LPAR3: variants seen among roughly 807,000 people sequenced by gnomAD.
The protein encoded by LPAR3 is lysophosphatidic acid receptor 3.
LPAR3 carries 7 observed loss-of-function variants against 17.8 expected under a neutral mutation model. The ratio of observed to expected loss-of-function variants is 0.39; its 90% CI spans 0.22 to 0.74. LPAR3 has a LOEUF of 0.74. Ranked by LOEUF, LPAR3 falls within the 30% of genes least tolerant of loss-of-function variation. LPAR3 has a pLI of 0.40. For synonymous variants in LPAR3, 179 were observed against 179.9 expected (o/e 0.99, Z 0.04); for missense variants, 391 against 453.4 (o/e 0.86, Z 1.25).
In LPAR3 at chr1:84,813,954, C is replaced by T; in HGVS notation, c.954G>A (p.Arg318=). ...CTGTGGAGGGGATGCGAGAGGGACG[C>T]CTCTCTGGGTTCTCCTGAGAGAAGC... ...ICCFSQENPE[R]RPSRIPSTVL... The change falls in exon 3 of 3, where the codon AGG becomes AGA. Residue 318 remains arginine, a synonymous_variant. Coordinates refer to ENST00000370611, the MANE Select transcript of LPAR3 (RefSeq NM_012152.3). The T allele has an allele frequency of 6.2e-7, 1 of 1,614,172 alleles. No homozygotes were observed. The highest frequency in any genetic ancestry group is 2.2e-5 in the East Asian group (1 of 44,878).
rs945908959 is a variant in LPAR3 at position 84,865,592 on chromosome 1, A to C, written c.529T>G (p.Ser177Ala). The change falls in exon 2 of 3, where the codon TCT becomes GCT. Residue 177 changes from serine (S) to alanine (A), a missense_variant. Ser to Ala is a moderately conservative substitution (Grantham distance 99, BLOSUM62 1). Transcript: ENST00000370611. ...WNCLCNISACSSLAPIYSRSY... is the reference protein window; with the variant it reads ...WNCLCNISACASLAPIYSRSY... ...CTGCTGTAAATGGGGGCCAGGGAAGAGCAGGCAGAGATGTTGCAGAGGCAA... is the reference window on the plus strand; with the variant it reads ...CTGCTGTAAATGGGGGCCAGGGAAGCGCAGGCAGAGATGTTGCAGAGGCAA... 6.2e-5 allele frequency: 100 copies of C among 1,614,118 alleles called. No individual in the cohort carries two copies. The highest frequency in any genetic ancestry group is 8.3e-5 in the Non-Finnish European group (98 of 1,180,048).
At chr1:84,847,133 A>T (rs1312739636) in intron 2 of LPAR3, among the ~76,000 whole-genome samples, 1 of 152,166 alleles carries the variant, frequency 6.6e-6, no homozygotes, top group Non-Finnish European at 1.5e-5. Flanking sequence ...AGCTGGATTC[A>T]TCCTTTTGCT....
At chr1:84,887,272 G>A (rs562461856) in intron 1 of LPAR3, among the ~76,000 whole-genome samples, 21 of 152,132 alleles carry the variant, frequency 1.4e-4, no homozygotes, top group Non-Finnish European at 2.8e-4. Context: ...AGCAACTTGG[G>A]GGGCTGAGGC....
intron 1 of LPAR3, among the ~76,000 whole-genome samples, chr1:84,874,486 C>A (rs897270695): frequency 6.6e-6 from 1 of 152,148 alleles, no homozygotes; most frequent in African/African-American, 2.4e-5. Context: ...AGATATTGTT[C>A]CCCAGATGTT....
intron 1 of LPAR3, among the ~76,000 whole-genome samples, chr1:84,869,199 C>T (rs893212963): frequency 1.3e-5 from 2 of 152,144 alleles, no homozygotes; most frequent in African/African-American, 4.8e-5. Flanking sequence ...AGCACTAACA[C>T]CTCAATGATT....
At chr1:84,830,238 T>C (rs1400435897) in intron 2 of LPAR3, among the ~76,000 whole-genome samples, 2 of 152,160 alleles carry the variant, frequency 1.3e-5, no homozygotes, top group Admixed American at 1.3e-4. Flanking sequence ...AAGTATTGAG[T>C]ATCTGAACTC....
chr1:84,849,938 C>T (rs10873659), intron 2 of LPAR3, among the ~76,000 whole-genome samples: 75,554 of 151,870 alleles, frequency 0.5, 18,832 homozygotes, highest in Non-Finnish European at 0.5. Flanking sequence ...ATTCCAGGGC[C>T]GGCCTCTCGG....
At chr1:84,884,637 T>C (rs1536119) in intron 1 of LPAR3, among the ~76,000 whole-genome samples, 88,102 of 152,138 alleles carry the variant, frequency 0.58, 26,164 homozygotes, top group East Asian at 0.85. Flanking sequence ...TGTTAAATGA[T>C]GTTAACACCT....
chr1:84,870,563 C>T (rs1660141050), intron 1 of LPAR3, among the ~76,000 whole-genome samples: 1 of 152,188 alleles, frequency 6.6e-6, no homozygotes, highest in Non-Finnish European at 1.5e-5. Context: ...AGGTACATTA[C>T]TTAATATCTC....
At position 84,865,873 on chromosome 1, in the gene LPAR3, T is replaced by C. The variant is rs767289077; in HGVS notation, c.248A>G (p.Tyr83Cys). The C allele has an allele frequency of 9.3e-6, 15 of 1,613,846 alleles. No homozygotes were observed. In the East Asian group the frequency reaches 2.2e-4, roughly 24 times the overall value. The change falls in exon 2 of 3, where the codon TAT becomes TGT. Residue 83 changes from tyrosine to cysteine, a missense_variant. Physicochemically the swap from Tyr to Cys is radical, Grantham distance 194. Transcript: ENST00000370611. ...GCCTGTGTTAAACATCAGGAATACA[T>C]AGGCAATTCCAGCGAAGAAATCGGC... ...AAADFFAGIAYVFLMFNTGPV... is the reference protein window; with the variant it reads ...AAADFFAGIACVFLMFNTGPV...
chr1:84,881,209 G>A (rs1328438995), intron 1 of LPAR3, among the ~76,000 whole-genome samples: 1 of 152,058 alleles, frequency 6.6e-6, no homozygotes, highest in East Asian at 1.9e-4. Flanking sequence ...TGTGAGGCAT[G>A]GTAGGGGCAG....
intron 1 of LPAR3, among the ~76,000 whole-genome samples, chr1:84,867,888 T>C (rs75950867): frequency 0.031 from 4,747 of 152,314 alleles, 109 homozygotes; most frequent in Non-Finnish European, 0.052. Context: ...TATTCTATTA[T>C]ATGAATAGGC....
chr1:84,882,694 G>A (rs368116743), intron 1 of LPAR3, among the ~76,000 whole-genome samples: 3 of 152,224 alleles, frequency 2.0e-5, no homozygotes, highest in Non-Finnish European at 2.9e-5. Context: ...CATAATCAAC[G>A]GATCTTTGAC....
chr1:84,835,546 T>C (rs925359762), intron 2 of LPAR3, among the ~76,000 whole-genome samples: 10 of 152,196 alleles, frequency 6.6e-5, no homozygotes, highest in African/African-American at 1.2e-4. Flanking sequence ...TGTTTTGGCA[T>C]AACATTTGAC....
At chr1:84,864,643 A>G (rs1167347629) in intron 2 of LPAR3, among the ~76,000 whole-genome samples, 1 of 152,050 alleles carries the variant, frequency 6.6e-6, no homozygotes, top group Non-Finnish European at 1.5e-5. Flanking sequence ...TTAGCTGGGC[A>G]TGGTGGTGCG....
intron 1 of LPAR3, among the ~76,000 whole-genome samples, chr1:84,892,730 G>T (rs1446584848): frequency 2.0e-5 from 3 of 152,238 alleles, no homozygotes; most frequent in Non-Finnish European, 4.4e-5. Flanking sequence ...TCTGCGCCCA[G>T]CCCGCCAGCC....
At chr1:84,887,132 A>G (rs1436199273) in intron 1 of LPAR3, among the ~76,000 whole-genome samples, 1 of 152,100 alleles carries the variant, frequency 6.6e-6, no homozygotes, top group East Asian at 1.9e-4. Context: ...TGGGAGGCCA[A>G]GGCAGGTGGA....
At chr1:84,889,883 A>G (rs1421712483) in intron 1 of LPAR3, among the ~76,000 whole-genome samples, 1 of 152,240 alleles carries the variant, frequency 6.6e-6, no homozygotes, top group African/African-American at 2.4e-5. Flanking sequence ...GGAACTCATT[A>G]ACAATCCATG....
chr1:84,853,253 C>A (rs1280317971), intron 2 of LPAR3, among the ~76,000 whole-genome samples: 1 of 152,082 alleles, frequency 6.6e-6, no homozygotes, highest in Non-Finnish European at 1.5e-5. Flanking sequence ...AGAGTAGGCT[C>A]GTGGATCCCC....
Sources: allele counts gnomAD v4.1 joint callset (sites outside exome capture counted in the v4.1 genomes callset), GRCh38; gene constraint gnomAD v4.1.1; transcripts MANE v1.5; gene names NCBI Gene and HGNC (gene_info 2026-07-23, HGNC 2026-07-21).